Variants in ZFYVE9 observed in about 807,000 individuals in gnomAD.
The protein encoded by ZFYVE9 is zinc finger FYVE-type containing 9.
Under a neutral mutation model 126.7 loss-of-function variants are expected in ZFYVE9, and 43 were observed. That is an observed-to-expected ratio of 0.34 (90% CI 0.27 to 0.44). The LOEUF is 0.44. Ranked by LOEUF, ZFYVE9 falls within the 20% of genes least tolerant of loss-of-function variation. The pLI is 1.00. For synonymous variants in ZFYVE9, 521 were observed against 597.4 expected (o/e 0.87, Z 1.87); for missense variants, 1,476 against 1,697.0 (o/e 0.87, Z 2.29).
At chr1:52,293,393 A>AT in intron 10 of ZFYVE9, 60 bp from the exon 11 acceptor site, 1 of 1,319,490 alleles carries the variant, frequency 7.6e-7, no homozygotes, top group Non-Finnish European at 1.0e-6. Context: ...AAAAAAAAAA[A>AT]AAAAAGAAAT....
Position 52,238,822 on chromosome 1 carries a change from C to G in ZFYVE9, c.1405C>G (p.Pro469Ala). ...TGATTTCTCCACTGTTATAGACACA[C>G]CAGCAGCAAATTATCTATCTAATGG... is the stretch of plus-strand genomic sequence containing the variant. ...ECDFSTVIDT[P>A]AANYLSNGCD... is the part of the protein sequence containing the mutation. Residue 469 changes from proline to alanine, a missense_variant, in exon 4 of 19, where the codon CCA (proline) becomes GCA (alanine). Physicochemically the swap from Pro to Ala is conservative, Grantham distance 27. Around this residue, in one of 2 missense-constraint regions of ZFYVE9, gnomAD observed 807 missense variants for 794.6 expected, o/e 1.02. Coordinates refer to ENST00000287727, the MANE Select transcript of ZFYVE9 (RefSeq NM_004799.4). 1 of 1,614,064 alleles carries G rather than the reference C, an allele frequency of 6.2e-7. No individual in the cohort carries two copies. Among genetic ancestry groups the G allele is most frequent in the Non-Finnish European group, 8.5e-7 (1 of 1,179,968 alleles).
intron 2 of ZFYVE9, among the ~76,000 whole-genome samples, chr1:52,224,726 A>G (rs1430013784): frequency 1.3e-5 from 2 of 152,196 alleles, no homozygotes; most frequent in Admixed American, 6.5e-5. Flanking sequence ...CATAAGGCAT[A>G]GGGGACTGTC....
chr1:52,309,347 G>A (rs116505688), intron 13 of ZFYVE9, among the ~76,000 whole-genome samples: 1,902 of 152,172 alleles, frequency 0.012, 34 homozygotes, highest in African/African-American at 0.044. Flanking sequence ...GCATGGTGGC[G>A]CATGCCCCGT....
chr1:52,218,382 CTTG>C (rs1645092469), intron 2 of ZFYVE9, among the ~76,000 whole-genome samples: 2 of 152,190 alleles, frequency 1.3e-5, no homozygotes, highest in African/African-American at 2.4e-5. Flanking sequence ...AAATTTTCCC[CTTG>C]TTGTGAAAGA....
At position 52,263,753 on chromosome 1, in the gene ZFYVE9, T is replaced by TGGGGGGCC; in HGVS notation, c.2179-20_2179-19insGGGGGGCC. ...ATCCCAAGTAAATTTTGTGTGTTCT[T>TGGGGGGCC]CCCCCCCCCCCCCCCACAGGTTTTC... On this transcript the variant is annotated intron_variant, in intron 4 of 18. Transcript: ENST00000287727. The TGGGGGGCC allele has an allele frequency of 1.4e-6, 1 of 713,092 alleles. No homozygotes were observed. The allele number at this position is 713,092 out of a possible 1,614,324, so 44.2% of individuals were successfully genotyped here. A position where few individuals can be genotyped will look rare whatever the true frequency, so the allele number is the denominator to read the frequency against.
chr1:52,335,845 T>G (rs542120321), intron 15 of ZFYVE9, among the ~76,000 whole-genome samples: 1 of 152,324 alleles, frequency 6.6e-6, no homozygotes, highest in African/African-American at 2.4e-5. Flanking sequence ...AAAACAGTCC[T>G]TTCTTAGGCC....
intron 4 of ZFYVE9, among the ~76,000 whole-genome samples, chr1:52,249,882 C>T (rs1251285825): frequency 6.6e-6 from 1 of 152,152 alleles, no homozygotes; most frequent in African/African-American, 2.4e-5. Flanking sequence ...TGTTCTGTTC[C>T]TATGGAATGG....
chr1:52,291,122 A>G (rs1395013856), intron 10 of ZFYVE9, among the ~76,000 whole-genome samples: 2 of 152,212 alleles, frequency 1.3e-5, no homozygotes, highest in African/African-American at 2.4e-5. Context: ...GACCTGGGTA[A>G]TCCTGGAGCA....
intron 1 of ZFYVE9, among the ~76,000 whole-genome samples, chr1:52,185,786 G>T (rs1466262826): frequency 6.6e-6 from 1 of 151,288 alleles, no homozygotes; most frequent in African/African-American, 2.4e-5. Flanking sequence ...GCTGGGCATG[G>T]TGGTGTTTCT....
intron 1 of ZFYVE9, among the ~76,000 whole-genome samples, chr1:52,155,239 T>TC (rs1437171649): frequency 1.7e-4 from 23 of 132,364 alleles, no homozygotes; most frequent in African/African-American, 8.0e-4. Context: ...TTTTTCTTTT[T>TC]TTTTTTTTTT....
intron 1 of ZFYVE9, among the ~76,000 whole-genome samples, chr1:52,152,573 C>A (rs1644367240): frequency 6.6e-6 from 1 of 152,054 alleles, no homozygotes; most frequent in Admixed American, 6.6e-5. Flanking sequence ...TTTAAAATTA[C>A]ACAGAATAAA....
intron 1 of ZFYVE9, among the ~76,000 whole-genome samples, chr1:52,196,061 G>A (rs1644857252): frequency 6.6e-6 from 1 of 152,006 alleles, no homozygotes; most frequent in Admixed American, 6.6e-5. Context: ...CAAAGTGCTG[G>A]GATTACAGGC....
At chr1:52,290,372 C>T (rs1645906791) in intron 10 of ZFYVE9, among the ~76,000 whole-genome samples, 1 of 152,176 alleles carries the variant, frequency 6.6e-6, no homozygotes, top group Non-Finnish European at 1.5e-5. Flanking sequence ...ACCAAGTTTC[C>T]AACACATGCT....
Position 52,150,128 on chromosome 1 carries a change from T to A in ZFYVE9, c.-143+7725T>A, listed in dbSNP as rs529744647. ...TGACTGGTGTGGTGGCATGTGCGTCTAGTCTCAGTTACTTGGGAGGCTGAG... is the reference window on the plus strand; with the variant it reads ...TGACTGGTGTGGTGGCATGTGCGTCAAGTCTCAGTTACTTGGGAGGCTGAG... On this transcript the variant is annotated intron_variant, in intron 1 of 18. Coordinates refer to ENST00000287727, the MANE Select transcript of ZFYVE9 (RefSeq NM_004799.4). 2.0e-5 allele frequency: 3 copies of A among 152,374 alleles called. No homozygotes were observed. The South Asian group carries it at 6.2e-4, about 32-fold the overall frequency. The allele number at this position is 152,374 out of a possible 1,614,324, so 9.4% of individuals were successfully genotyped here.
chr1:52,338,242 T>C (rs1174292121), intron 16 of ZFYVE9, among the ~76,000 whole-genome samples: 1 of 152,208 alleles, frequency 6.6e-6, no homozygotes, highest in Non-Finnish European at 1.5e-5. Flanking sequence ...TTGCCAACAT[T>C]GTTTTGTTTG....
intron 13 of ZFYVE9, among the ~76,000 whole-genome samples, chr1:52,316,165 C>CAAAA (rs367815611): frequency 0.018 from 682 of 38,924 alleles, 39 homozygotes; most frequent in Middle Eastern, 0.042. Context: ...AACTCCATCT[C>CAAAA]AAAAAAAAAA....
At chr1:52,199,900 G>C (rs1331653204) in intron 1 of ZFYVE9, among the ~76,000 whole-genome samples, 8 of 152,096 alleles carry the variant, frequency 5.3e-5, no homozygotes, top group Non-Finnish European at 1.0e-4. Flanking sequence ...GAATCTCATA[G>C]TTATTTTAAT....
At chr1:52,173,485 C>A (rs754797723) in intron 1 of ZFYVE9, among the ~76,000 whole-genome samples, 11 of 152,150 alleles carry the variant, frequency 7.2e-5, no homozygotes, top group Middle Eastern at 3.4e-3. Flanking sequence ...TGTCTCTGCC[C>A]GGCTTTGGTA....
At chr1:52,241,349 G>A (rs1053736852) in intron 4 of ZFYVE9, among the ~76,000 whole-genome samples, 8 of 152,144 alleles carry the variant, frequency 5.3e-5, no homozygotes, top group African/African-American at 1.9e-4. Context: ...GCTAAAGTTT[G>A]AAGAAAATAA....
Sources: gnomAD v4.1 joint callset for allele counts (sites outside exome capture counted in the v4.1 genomes callset) on GRCh38, gnomAD v4.1.1 for gene constraint, gnomAD v4.1.1 regional missense constraint, MANE v1.5 for transcripts, NCBI Gene and HGNC (gene_info 2026-07-23, HGNC 2026-07-21) for gene names.